SNTG1: variants seen among roughly 807,000 people sequenced by gnomAD.
The protein encoded by SNTG1 is syntrophin gamma 1.
In SNTG1, 39 loss-of-function variants were observed where a neutral mutation model predicts 74.7. The ratio of observed to expected loss-of-function variants is 0.52; its 90% CI spans 0.40 to 0.68. SNTG1 has a LOEUF of 0.68. Among genes scored for constraint, SNTG1 ranks in the 30% least tolerant of loss-of-function variants. The probability of loss-of-function intolerance (pLI) is 0.00; values close to 1 mark genes in which losing one functional copy is unlikely to be tolerated. For synonymous variants in SNTG1, 254 were observed against 217.1 expected (o/e 1.17, Z -1.49); for missense variants, 685 against 609.5 (o/e 1.12, Z -1.30).
intron 1 of SNTG1, among the ~76,000 whole-genome samples, chr8:50,046,284 G>C (rs1249254907): frequency 6.6e-6 from 1 of 152,044 alleles, no homozygotes; most frequent in African/African-American, 2.4e-5. Flanking sequence ...TTGTTTCCAA[G>C]AGCTAGCATA....
intron 17 of SNTG1, among the ~76,000 whole-genome samples, chr8:50,716,795 C>T (rs1417702700): frequency 4.0e-5 from 6 of 151,170 alleles, no homozygotes; most frequent in Non-Finnish European, 5.9e-5. Flanking sequence ...TGCAGTGGCG[C>T]GATCTCAGCT....
At chr8:50,425,777 A>T (rs2093156122) in intron 4 of SNTG1, among the ~76,000 whole-genome samples, 3 of 152,146 alleles carry the variant, frequency 2.0e-5, no homozygotes, top group Admixed American at 2.0e-4. Flanking sequence ...GGTCAATCTG[A>T]TATTATTGGT....
At chr8:50,218,411 A>C (rs1586733844) in intron 2 of SNTG1, among the ~76,000 whole-genome samples, 1 of 152,296 alleles carries the variant, frequency 6.6e-6, no homozygotes, top group South Asian at 2.1e-4. Flanking sequence ...ATTTATACTC[A>C]TTGTGTGGTT....
Position 50,704,695 on chromosome 8 carries a change from C to T in SNTG1, c.1134C>T (p.Leu378=), listed in dbSNP as rs145454514. The T allele has an allele frequency of 2.7e-3, 4,346 of 1,614,082 alleles. 7 individuals are homozygous for T. Among genetic ancestry groups the T allele is most frequent in the Non-Finnish European group, 3.4e-3 (3,970 of 1,180,008 alleles). ...LYFSVELESD[L]AQWERAFQTA... ...TCTCAGTGGAGCTGGAAAGTGACCT[C>T]GCCCAGTGGGAAAGAGCCTTCCAGA... is the stretch of plus-strand genomic sequence containing the variant. The change falls in exon 16 of 19, where the codon CTC becomes CTT. Residue 378 remains leucine (L), a synonymous_variant. Coordinates refer to ENST00000642720, the MANE Select transcript of SNTG1 (RefSeq NM_018967.5).
intron 1 of SNTG1, among the ~76,000 whole-genome samples, chr8:49,957,147 T>G (rs318890): frequency 0.88 from 133,504 of 152,194 alleles, 58,806 homozygotes; most frequent in East Asian, 1. Flanking sequence ...TAGAAGCACA[T>G]CATTAAGATG....
At chr8:50,660,643 T>C (rs1421240388) in intron 15 of SNTG1, among the ~76,000 whole-genome samples, 1 of 152,188 alleles carries the variant, frequency 6.6e-6, no homozygotes, top group Non-Finnish European at 1.5e-5. Context: ...TATTCTTACT[T>C]AGACTTAAAT....
chr8:49,926,115 T>C (rs1245256016), intron 1 of SNTG1, among the ~76,000 whole-genome samples: 2 of 152,262 alleles, frequency 1.3e-5, no homozygotes, highest in East Asian at 3.9e-4. Context: ...TTCAGATATA[T>C]AATACTGTAA....
intron 2 of SNTG1, among the ~76,000 whole-genome samples, chr8:50,370,916 T>C (rs1378032707): frequency 1.3e-5 from 2 of 152,170 alleles, no homozygotes; most frequent in Admixed American, 1.3e-4. Flanking sequence ...GCCGAATTTA[T>C]TGCTATGATC....
At chr8:49,990,988 A>T (rs1813627835) in intron 1 of SNTG1, among the ~76,000 whole-genome samples, 1 of 152,160 alleles carries the variant, frequency 6.6e-6, no homozygotes, top group Admixed American at 6.5e-5. Flanking sequence ...AGACACCATT[A>T]AGAGAATCAA....
rs115767260 is a variant in SNTG1, at chr8:50,795,423, A to C, written c.*2594A>C. On this transcript the variant is annotated 3_prime_UTR_variant, in exon 19 of 19. Transcript: ENST00000642720. ...TGAACAAAAACACTTAAAAATTTCT[A>C]TCTCTCATATAATTTAGGTTTACAT... 99 of 152,252 alleles carry C rather than the reference A, an allele frequency of 6.5e-4. No homozygotes were observed. Among genetic ancestry groups the C allele is most frequent in the Middle Eastern group, 3.4e-3 (1 of 292 alleles). 9.4% of individuals were successfully genotyped at this position (152,252 alleles called of 1,614,324 possible). A position where few individuals can be genotyped will look rare whatever the true frequency, so the allele number is the denominator to read the frequency against.
At chr8:50,552,033 C>A (rs1025702501) in intron 11 of SNTG1, among the ~76,000 whole-genome samples, 68 of 151,984 alleles carry the variant, frequency 4.5e-4, no homozygotes, top group Non-Finnish European at 1.5e-5. Context: ...AGTAGAAGAG[C>A]CAGGAAAGGT....
intron 2 of SNTG1, among the ~76,000 whole-genome samples, chr8:50,254,060 C>T (rs561281896): frequency 2.6e-5 from 4 of 152,014 alleles, no homozygotes; most frequent in Non-Finnish European, 5.9e-5. Context: ...ATATTCTCAC[C>T]TCAATGAAAT....
chr8:50,168,919 C>T (rs1215606189), intron 1 of SNTG1, among the ~76,000 whole-genome samples: 1 of 152,178 alleles, frequency 6.6e-6, no homozygotes, highest in Non-Finnish European at 1.5e-5. Flanking sequence ...TGGTACAACC[C>T]ACAGAGTTAT....
In SNTG1 at chr8:50,461,249, T is replaced by A. The variant is rs931898806; in HGVS notation, c.363+10520T>A. On this transcript the variant is annotated intron_variant, in intron 8 of 18. Transcript: ENST00000642720. Reference sequence around the variant, plus strand: ...GGTTTTCCAGAGGAAGACCACGGAGTGAAATTGCCATTCTTATCACATCAT... The same window carrying A: ...GGTTTTCCAGAGGAAGACCACGGAGAGAAATTGCCATTCTTATCACATCAT... Among the ~76,000 whole-genome samples, 7 of 143,984 alleles carry A rather than the reference T, an allele frequency of 4.9e-5. No homozygotes were observed. In the Admixed American group the frequency reaches 4.9e-4, roughly 10 times the overall value. 94.5% of individuals were successfully genotyped at this position (143,984 alleles called of 152,430 possible).
intron 18 of SNTG1, among the ~76,000 whole-genome samples, chr8:50,790,238 T>C (rs1487779922): frequency 6.6e-6 from 1 of 152,018 alleles, no homozygotes; most frequent in Non-Finnish European, 1.5e-5. Context: ...CCATCAGGAC[T>C]GTTTTGTTCC....
intron 18 of SNTG1, among the ~76,000 whole-genome samples, chr8:50,776,599 T>C (rs1249189156): frequency 6.6e-6 from 1 of 150,562 alleles, no homozygotes; most frequent in Non-Finnish European, 1.5e-5. Flanking sequence ...CCAGACAATA[T>C]TACAATTTTT....
chr8:50,562,925 T>C (rs183382825), intron 12 of SNTG1, among the ~76,000 whole-genome samples: 231 of 152,318 alleles, frequency 1.5e-3, no homozygotes, highest in African/African-American at 5.4e-3. Context: ...ATGATCAGAA[T>C]CGTTGCATTC....
chr8:50,333,843 A>G (rs113142786), intron 2 of SNTG1, among the ~76,000 whole-genome samples: 9 of 152,320 alleles, frequency 5.9e-5, no homozygotes, highest in African/African-American at 1.9e-4. Flanking sequence ...AGGAATTAAG[A>G]CTACTAAGGT....
intron 1 of SNTG1, among the ~76,000 whole-genome samples, chr8:50,114,881 A>T (rs2080751732): frequency 6.6e-6 from 1 of 152,030 alleles, no homozygotes; most frequent in African/African-American, 2.4e-5. Flanking sequence ...GAAAAAAAAT[A>T]TATGAACAAG....
Sources: allele counts gnomAD v4.1 joint callset (sites outside exome capture counted in the v4.1 genomes callset), GRCh38; gene constraint gnomAD v4.1.1; transcripts MANE v1.5; gene names NCBI Gene and HGNC (gene_info 2026-07-23, HGNC 2026-07-21).